The following FRMD6 variants were observed in gnomAD, a reference collection of about 807,000 sequenced individuals.
FRMD6 encodes the protein FERM domain containing 6, also known as FERM domain-containing protein 6.
A neutral mutation model predicts 73.2 loss-of-function variants in FRMD6; 37 were observed. The ratio of observed to expected loss-of-function variants is 0.51; its 90% CI spans 0.39 to 0.66. The LOEUF is 0.66. Ranked by LOEUF, FRMD6 falls within the 30% of genes least tolerant of loss-of-function variation. The pLI is 0.00. For missense variants in FRMD6, 714 were observed against 780.5 expected (o/e 0.91, Z 1.02); for synonymous variants, 273 against 282.2 (o/e 0.97, Z 0.33).
chr14:51,640,668 TATG>T (rs1335450536), intron 2 of FRMD6, among the ~76,000 whole-genome samples: 1 of 152,236 alleles, frequency 6.6e-6, no homozygotes, highest in East Asian at 1.9e-4. Flanking sequence ...ATGCTAGTGA[TATG>T]ATGAACAATA....
Position 51,576,537 on chromosome 14 carries a change from A to G in FRMD6, c.-147+6127A>G, listed in dbSNP as rs181736757. 2.2e-3 allele frequency among the ~76,000 whole-genome samples: 330 copies of G among 152,272 alleles called. 1 individual carries two copies. Among genetic ancestry groups the G allele is most frequent in the African/African-American group, 7.7e-3 (319 of 41,556 alleles). On this transcript the variant is annotated intron_variant, in intron 2 of 14. Transcript: ENST00000356218. Reference sequence around the variant, plus strand: ...TTTTATTTTTATCCTGTGAACTTCAATATGCGACCTCCTTCTGTGACAGAG... The same window carrying G: ...TTTTATTTTTATCCTGTGAACTTCAGTATGCGACCTCCTTCTGTGACAGAG...
intron 1 of FRMD6, among the ~76,000 whole-genome samples, chr14:51,678,306 G>A (rs914899010): frequency 5.9e-5 from 9 of 152,232 alleles, no homozygotes; most frequent in South Asian, 2.1e-4. Context: ...AACTTAGTGC[G>A]TCCCAAACAG....
At chr14:51,570,134 C>T (rs1053763776) in intron 1 of FRMD6, among the ~76,000 whole-genome samples, 5 of 152,064 alleles carry the variant, frequency 3.3e-5, no homozygotes, top group African/African-American at 7.2e-5. Context: ...CCGTGCCCGG[C>T]GGAGAATTTT....
chr14:51,687,509 T>A (rs926971938), intron 1 of FRMD6, among the ~76,000 whole-genome samples: 8 of 152,170 alleles, frequency 5.3e-5, no homozygotes, highest in African/African-American at 1.9e-4. Context: ...CTCTAAATGG[T>A]ATGCCTAAGA....
chr14:51,574,344 G>C (rs1414982365), intron 2 of FRMD6, among the ~76,000 whole-genome samples: 3 of 152,136 alleles, frequency 2.0e-5, no homozygotes, highest in Non-Finnish European at 4.4e-5. Flanking sequence ...TCTATCCACA[G>C]AGCCTTTAAA....
chr14:51,398,509 T>C, the FRMD6 span, among the ~76,000 whole-genome samples: 4 of 150,070 alleles, frequency 2.7e-5, no homozygotes, highest in African/African-American at 9.8e-5. Context: ...TATGTCATTG[T>C]CACAAACAAT....
chr14:51,483,107 C>G, the FRMD6 span, among the ~76,000 whole-genome samples: 1 of 152,178 alleles, frequency 6.6e-6, no homozygotes, highest in Non-Finnish European at 1.5e-5. Flanking sequence ...TGGAATACCT[C>G]TAGTGATACC....
At chr14:51,466,894 T>C in the FRMD6 span, among the ~76,000 whole-genome samples, 1 of 152,256 alleles carries the variant, frequency 6.6e-6, no homozygotes, top group Non-Finnish European at 1.5e-5. Context: ...TATTTTAGCC[T>C]CCTTTAATTT....
chr14:51,715,621 G>C, intron 10 of FRMD6, 122 bp downstream of exon 10: 1 of 715,208 alleles, frequency 1.4e-6, no homozygotes, highest in Non-Finnish European at 2.2e-6. Context: ...TCCAGATTGA[G>C]AGCAGCATTA....
chr14:51,400,628 A>T, the FRMD6 span, among the ~76,000 whole-genome samples: 6 of 152,200 alleles, frequency 3.9e-5, no homozygotes, highest in African/African-American at 1.4e-4. Flanking sequence ...TAATAAAATT[A>T]TATAATTACA....
At chr14:51,589,273 T>C (rs1889233323) in intron 2 of FRMD6, among the ~76,000 whole-genome samples, 1 of 152,168 alleles carries the variant, frequency 6.6e-6, no homozygotes, top group Admixed American at 6.5e-5. Context: ...TTATCACTCC[T>C]AGATTTTTGC....
At chr14:51,690,252 A>G (rs1895457744) in intron 2 of FRMD6, among the ~76,000 whole-genome samples, 1 of 152,242 alleles carries the variant, frequency 6.6e-6, no homozygotes, top group South Asian at 2.1e-4. Context: ...TTAAATGCTT[A>G]GAGTTGTCAC....
At chr14:51,441,090 T>A in the FRMD6 span, among the ~76,000 whole-genome samples, 1 of 152,246 alleles carries the variant, frequency 6.6e-6, no homozygotes, top group Non-Finnish European at 1.5e-5. Flanking sequence ...GAATCATCTT[T>A]GGCTGAGAAC....
intron 1 of FRMD6, among the ~76,000 whole-genome samples, chr14:51,506,856 G>A (rs1393648192): frequency 6.6e-6 from 1 of 151,980 alleles, no homozygotes; most frequent in Non-Finnish European, 1.5e-5. Context: ...GTGACAATAT[G>A]GATCTATAAT....
the FRMD6 span, among the ~76,000 whole-genome samples, chr14:51,449,771 C>G: frequency 6.6e-6 from 1 of 152,100 alleles, no homozygotes; most frequent in Non-Finnish European, 1.5e-5. Context: ...GAATTAAATC[C>G]AATAAAACAC....
intron 1 of FRMD6, among the ~76,000 whole-genome samples, chr14:51,495,428 G>A (rs1309362017): frequency 2.0e-5 from 3 of 152,206 alleles, no homozygotes; most frequent in Middle Eastern, 3.2e-3. Flanking sequence ...TAGCAGGGGA[G>A]TATGGCCTCC....
the FRMD6 span, among the ~76,000 whole-genome samples, chr14:51,461,290 T>C: frequency 6.6e-6 from 1 of 152,230 alleles, no homozygotes; most frequent in African/African-American, 2.4e-5. Flanking sequence ...AACTTGCCTA[T>C]GATCAGACAA....
At chr14:51,667,836 C>T (rs1002715071) in intron 1 of FRMD6, among the ~76,000 whole-genome samples, 1 of 152,042 alleles carries the variant, frequency 6.6e-6, no homozygotes, top group African/African-American at 2.4e-5. Context: ...TTTTAAAACT[C>T]AAATACTGAT....
At chr14:51,467,114 G>A in the FRMD6 span, among the ~76,000 whole-genome samples, 2 of 152,110 alleles carry the variant, frequency 1.3e-5, no homozygotes, top group African/African-American at 4.8e-5. Flanking sequence ...GGGCCCTGCC[G>A]CCTTCCGCAG....
Sources: allele counts gnomAD v4.1 joint callset (sites outside exome capture counted in the v4.1 genomes callset), GRCh38; gene constraint gnomAD v4.1.1; transcripts MANE v1.5; gene names NCBI Gene and HGNC (gene_info 2026-07-23, HGNC 2026-07-21).